YY1AP1: variants seen among roughly 807,000 people sequenced by gnomAD.
YY1AP1 encodes YY1-associated protein 1.
Under a neutral mutation model 39.9 loss-of-function variants are expected in YY1AP1, and 43 were observed. The observed-to-expected ratio is 1.08, with a 90% CI of 0.84 to 1.39. YY1AP1 has a LOEUF of 1.39. Ranked by LOEUF, YY1AP1 falls within the 40% of genes most tolerant of loss-of-function variation. YY1AP1 has a pLI of 0.00. For missense variants in YY1AP1, 813 were observed against 900.7 expected (o/e 0.90, Z 1.25); for synonymous variants, 292 against 331.3 (o/e 0.88, Z 1.29).
chr1:155,659,916 G>A lies in YY1AP1; in HGVS notation c.1994C>T (p.Ser665Phe), dbSNP rs1489779005. The change falls in exon 11 of 11, where the codon TCT becomes TTT. Residue 665 changes from serine (S) to phenylalanine (F), a missense_variant. Coordinates refer to ENST00000355499, the MANE Select transcript of YY1AP1 (RefSeq NM_139119.3). ...GGGGAAAACAGTAGCAGAGAGAGGAGATAGTTCCTGGGGCTCTAATTTGGG... is the reference window on the plus strand; with the variant it reads ...GGGGAAAACAGTAGCAGAGAGAGGAAATAGTTCCTGGGGCTCTAATTTGGG... Reference protein sequence around the residue: ...LEPKLEPQELSPLSATVFPKV... With the variant: ...LEPKLEPQELFPLSATVFPKV... 1.2e-6 allele frequency: 2 copies of A among 1,614,244 alleles called. No homozygotes were observed. The highest frequency in any genetic ancestry group is 1.1e-5 in the South Asian group (1 of 91,086).
At chr1:155,670,952 A>C (rs2666825) in intron 7 of YY1AP1, 3 of 164,640 alleles carry the variant, frequency 1.8e-5, no homozygotes, top group African/African-American at 4.8e-5. Context: ...TTACAGGCGT[A>C]AGCCACGGCG....
intron 9 of YY1AP1, among the ~76,000 whole-genome samples, chr1:155,662,998 C>A (rs192171516): frequency 6.6e-6 from 1 of 151,974 alleles, no homozygotes; most frequent in East Asian, 1.9e-4. Flanking sequence ...GAGCAAGACT[C>A]CAACCCCGAC....
chr1:155,680,356 C>A, intron 3 of YY1AP1, 60 bp downstream of exon 3: 1 of 1,592,764 alleles, frequency 6.3e-7, no homozygotes, highest in South Asian at 1.1e-5. Flanking sequence ...GATCAAAGGA[C>A]ACATTTTGTT....
In YY1AP1 at chr1:155,672,736, G is replaced by A; in HGVS notation, c.412-5C>T. 3 of 1,614,142 alleles carry A rather than the reference G, an allele frequency of 1.9e-6. No individual in the cohort carries two copies. Among genetic ancestry groups the A allele is most frequent in the Non-Finnish European group, 2.5e-6 (3 of 1,180,046 alleles). On this transcript the variant is annotated splice_region_variant and splice_polypyrimidine_tract_variant and intron_variant, in intron 6 of 10. Coordinates refer to ENST00000355499, the MANE Select transcript of YY1AP1 (RefSeq NM_139119.3). ...AGCAAAGGTTCCCAGCTCTTTCTGGGAAAACACGACACAAGGAAGATCTAA... is the reference window on the plus strand; with the variant it reads ...AGCAAAGGTTCCCAGCTCTTTCTGGAAAAACACGACACAAGGAAGATCTAA...
intron 9 of YY1AP1, among the ~76,000 whole-genome samples, chr1:155,666,288 G>GT (rs936743477): frequency 4.6e-5 from 7 of 151,902 alleles, no homozygotes; most frequent in African/African-American, 1.7e-4. Context: ...CGCCCAGCCA[G>GT]TTTTTTGTAT....
In YY1AP1 at chr1:155,676,597, A is replaced by G. The variant is rs1474626005; in HGVS notation, c.275T>C (p.Leu92Pro). The G allele has an allele frequency of 6.2e-7, 1 of 1,614,184 alleles. No homozygotes were observed. ...CTTCCTTTGTGCTGGGTCCAGAATCAGGGTCTGATGAACTTCCTTACACTG... is the reference window on the plus strand; with the variant it reads ...CTTCCTTTGTGCTGGGTCCAGAATCGGGGTCTGATGAACTTCCTTACACTG... ...KPQCKEVHQT[L>P]ILDPAQRKRL... Residue 92 changes from leucine (L) to proline (P), a missense_variant, in exon 5 of 11, where the codon CTG (leucine) becomes CCG (proline). Transcript: ENST00000355499.
At chr1:155,665,160 A>G (rs1485349817) in intron 9 of YY1AP1, among the ~76,000 whole-genome samples, 1 of 151,972 alleles carries the variant, frequency 6.6e-6, no homozygotes, top group African/African-American at 2.4e-5. Flanking sequence ...GCTCATGCCT[A>G]TAATCTCAGC....
At chr1:155,665,766 G>C (rs1417821331) in intron 9 of YY1AP1, among the ~76,000 whole-genome samples, 1 of 121,460 alleles carries the variant, frequency 8.2e-6, no homozygotes, top group Non-Finnish European at 1.6e-5. Flanking sequence ...CTGGGGGACA[G>C]AGCAAGACTC....
Position 155,659,763 on chromosome 1 carries a change from G to T in YY1AP1, c.2147C>A (p.Pro716His), listed in dbSNP as rs1647734405. The change falls in exon 11 of 11, where the codon CCT becomes CAT. Residue 716 changes from proline to histidine, a missense_variant. By Grantham distance (77) the Pro-to-His change is moderately conservative. Coordinates refer to ENST00000355499, the MANE Select transcript of YY1AP1 (RefSeq NM_139119.3). ...EEGRQALEPL[P>H]QGIQESLNNS... ...GTTTAGAGACTCCTGGATGCCCTGA[G>T]GGAGCGGCTCCAGAGCTTGCCTTCC... 1 of 1,614,134 alleles carries T rather than the reference G, an allele frequency of 6.2e-7. No individual in the cohort carries two copies. The highest frequency in any genetic ancestry group is 1.1e-5 in the South Asian group (1 of 91,094).
intron 2 of YY1AP1, among the ~76,000 whole-genome samples, chr1:155,681,559 A>T (rs1181215612): frequency 1.3e-5 from 2 of 152,204 alleles, no homozygotes; most frequent in Admixed American, 6.5e-5. Context: ...ACTGCATTCC[A>T]GCCTGAACGA....
intron 2 of YY1AP1, among the ~76,000 whole-genome samples, chr1:155,685,110 T>C (rs1183851578): frequency 1.3e-5 from 2 of 152,222 alleles, no homozygotes; most frequent in African/African-American, 2.4e-5. Context: ...AAACCAACAG[T>C]TCCTTTATAC....
At chr1:155,669,305 C>T (rs894482428) in intron 8 of YY1AP1, among the ~76,000 whole-genome samples, 3 of 152,100 alleles carry the variant, frequency 2.0e-5, no homozygotes, top group South Asian at 2.1e-4. Context: ...CCCAAAGTGT[C>T]GTCATTACAG....
intron 7 of YY1AP1, among the ~76,000 whole-genome samples, chr1:155,671,647 G>A (rs962716703): frequency 2.6e-5 from 4 of 151,966 alleles, no homozygotes; most frequent in Non-Finnish European, 5.9e-5. Context: ...AGGCACCTCT[G>A]CATTTCTAGA....
Position 155,679,433 on chromosome 1 carries a change from T to C in YY1AP1, c.101A>G (p.Asn34Ser), listed in dbSNP as rs779630885. 1 of 1,614,056 alleles carries C rather than the reference T, an allele frequency of 6.2e-7. No individual in the cohort carries two copies. The highest frequency in any genetic ancestry group is 1.3e-5 in the African/African-American group (1 of 74,936). Residue 34 changes from asparagine to serine, a missense_variant, in exon 4 of 11, where the codon AAC (asparagine) becomes AGC (serine). By Grantham distance (46) the Asn-to-Ser change is conservative (BLOSUM62 1). Transcript: ENST00000355499. ...CCGTAGAGCTTGAGGGGTGTTAAAG[T>C]TAGCTTGAGGCTCAGCCACACGCTC... ...EEERVAEPQA[N>S]FNTPQALRFE...
At position 155,659,800 on chromosome 1, in the gene YY1AP1, T is replaced by A; in HGVS notation, c.2110A>T (p.Lys704Ter). 8 of 1,614,198 alleles carry A rather than the reference T, an allele frequency of 5.0e-6. No individual in the cohort carries two copies. Among genetic ancestry groups the A allele is most frequent in the Non-Finnish European group, 6.8e-6 (8 of 1,180,032 alleles). The change falls in exon 11 of 11, where the codon AAA becomes TAA. Residue 704 changes from lysine to a stop codon, truncating the protein, a stop_gained. Coordinates refer to ENST00000355499, the MANE Select transcript of YY1AP1 (RefSeq NM_139119.3). LOFTEE classifies it low-confidence loss of function (END_TRUNC). The stretch of plus-strand genomic sequence containing the variant: ...AGAGCTTGCCTTCCCTCCTCTGTTT[T>A]CACAACGGTCCAGCGATAGGCACTG... Reference protein sequence around the residue: ...ENSAYRWTVVKTEEGRQALEP... With the variant: ...ENSAYRWTVV
At chr1:155,688,488 G>A (rs1221016888) in intron 1 of YY1AP1, 171 bp downstream of exon 1, 1 of 1,549,290 alleles carries the variant, frequency 6.5e-7, no homozygotes, top group East Asian at 2.4e-5. Context: ...CAGCCCGCAC[G>A]CGTACGAGTG....
Position 155,688,090 on chromosome 1 carries a change from G to T in YY1AP1, c.-40C>A. ...ACTCACCGTGTCGGAGGCCGAGAGCGATGAGAGTACAGGGAAGTGAGGAAG... is the reference window on the plus strand; with the variant it reads ...ACTCACCGTGTCGGAGGCCGAGAGCTATGAGAGTACAGGGAAGTGAGGAAG... On this transcript the variant is annotated 5_prime_UTR_variant, in exon 2 of 11. Coordinates refer to ENST00000355499, the MANE Select transcript of YY1AP1 (RefSeq NM_139119.3). 6.3e-7 allele frequency: 1 copy of T among 1,594,246 alleles called. No individual in the cohort carries two copies. The highest frequency in any genetic ancestry group is 8.6e-7 in the Non-Finnish European group (1 of 1,166,834).
intron 3 of YY1AP1, 74 bp from the exon 4 acceptor site, chr1:155,679,586 A>C (rs1651237654): frequency 6.2e-7 from 1 of 1,610,978 alleles, no homozygotes; most frequent in Non-Finnish European, 8.5e-7. Context: ...GGGAAGGAAA[A>C]GTGAAAACTA....
upstream of YY1AP1, chr1:155,688,821 C>T (rs1653183343): frequency 5.7e-6 from 9 of 1,570,288 alleles, 1 homozygote; most frequent in South Asian, 8.2e-5. Flanking sequence ...GGGACTGTTC[C>T]ATTCCTGGCG....
Sources: gnomAD v4.1 joint callset for allele counts (sites outside exome capture counted in the v4.1 genomes callset) on GRCh38, gnomAD v4.1.1 for gene constraint, MANE v1.5 for transcripts, NCBI Gene and HGNC (gene_info 2026-07-23, HGNC 2026-07-21) for gene names.